The following PCDH9 variants were observed in gnomAD, a reference collection of about 807,000 sequenced individuals.
PCDH9 encodes the protein protocadherin-9.
In PCDH9, 24 loss-of-function variants were observed where a neutral mutation model predicts 70.6. The observed-to-expected ratio is 0.34, with a 90% CI of 0.25 to 0.48. PCDH9 has a LOEUF of 0.48. PCDH9 is among the 20% of genes least tolerant of loss of function. The pLI is 0.99. For missense variants in PCDH9, 1,281 were observed against 1,503.6 expected (o/e 0.85, Z 2.45); for synonymous variants, 562 against 558.5 (o/e 1.01, Z -0.09).
intron 3 of PCDH9, among the ~76,000 whole-genome samples, chr13:66,683,513 A>T (rs559867754): frequency 6.6e-6 from 1 of 152,134 alleles, no homozygotes; most frequent in Admixed American, 6.6e-5. Flanking sequence ...TGCATTCACA[A>T]CCCATATCTT....
At chr13:66,361,761 T>A (rs551056014) in intron 4 of PCDH9, among the ~76,000 whole-genome samples, 19 of 152,276 alleles carry the variant, frequency 1.2e-4, no homozygotes, top group African/African-American at 4.6e-4. Flanking sequence ...AAGCATTGCA[T>A]TTTTCAAAGC....
At chr13:66,777,482 A>T (rs1251597780) in intron 3 of PCDH9, among the ~76,000 whole-genome samples, 1 of 152,238 alleles carries the variant, frequency 6.6e-6, no homozygotes, top group South Asian at 2.1e-4. Context: ...ACATGAAAAG[A>T]CACTTCTCAA....
intron 4 of PCDH9, among the ~76,000 whole-genome samples, chr13:66,315,187 C>T (rs548586999): frequency 1.1e-3 from 162 of 152,294 alleles, no homozygotes; most frequent in Non-Finnish European, 1.8e-3. Context: ...CAACTGGATT[C>T]TGGCCACAGT....
At chr13:66,488,790 T>A (rs1476178143) in intron 4 of PCDH9, among the ~76,000 whole-genome samples, 1 of 152,182 alleles carries the variant, frequency 6.6e-6, no homozygotes, top group Non-Finnish European at 1.5e-5. Context: ...TAAAAGTTGC[T>A]GGCATAAAAA....
chr13:66,365,936 CTA>C (rs1956547045), intron 4 of PCDH9, among the ~76,000 whole-genome samples: 1 of 151,992 alleles, frequency 6.6e-6, no homozygotes, highest in East Asian at 1.9e-4. Context: ...ACAAATGTAA[CTA>C]AGAGAAATCA....
intron 2 of PCDH9, among the ~76,000 whole-genome samples, chr13:67,193,659 T>A (rs1359698988): frequency 6.6e-6 from 1 of 152,120 alleles, no homozygotes; most frequent in African/African-American, 2.4e-5. Context: ...TTACCTTGGA[T>A]GTATATTCTT....
intron 4 of PCDH9, among the ~76,000 whole-genome samples, chr13:66,435,721 T>C (rs1249554107): frequency 1.3e-5 from 2 of 152,224 alleles, no homozygotes; most frequent in East Asian, 3.8e-4. Context: ...TTGGCTTTAA[T>C]GGTGAACTAT....
chr13:66,397,332 T>C (rs540936150), intron 4 of PCDH9, among the ~76,000 whole-genome samples: 33 of 152,022 alleles, frequency 2.2e-4, no homozygotes, highest in African/African-American at 7.5e-4. Flanking sequence ...AGTGGGAGGA[T>C]TGCTTAAGTT....
At chr13:66,457,863 T>TA (rs1463679945) in intron 4 of PCDH9, among the ~76,000 whole-genome samples, 1 of 151,920 alleles carries the variant, frequency 6.6e-6, no homozygotes, top group Non-Finnish European at 1.5e-5. Context: ...GATAGGGGCT[T>TA]AAAATCTAGA....
At chr13:67,200,068 A>G (rs2089171609) in intron 2 of PCDH9, among the ~76,000 whole-genome samples, 2 of 152,130 alleles carry the variant, frequency 1.3e-5, no homozygotes, top group Non-Finnish European at 2.9e-5. Context: ...TGCATTCTAC[A>G]TTTATGATTA....
At chr13:66,398,233 C>T (rs897307077) in intron 4 of PCDH9, among the ~76,000 whole-genome samples, 7 of 152,002 alleles carry the variant, frequency 4.6e-5, no homozygotes, top group Non-Finnish European at 8.8e-5. Context: ...GACTCTGTGT[C>T]CAAATTAAGG....
intron 4 of PCDH9, among the ~76,000 whole-genome samples, chr13:66,394,615 A>G (rs1473309135): frequency 1.3e-5 from 2 of 152,190 alleles, no homozygotes; most frequent in Non-Finnish European, 1.5e-5. Flanking sequence ...AAAAATTTCC[A>G]ACTTCCATCT....
At chr13:66,492,985 G>C (rs1959056407) in intron 4 of PCDH9, among the ~76,000 whole-genome samples, 1 of 152,066 alleles carries the variant, frequency 6.6e-6, no homozygotes, top group South Asian at 2.1e-4. Flanking sequence ...AAAATATCCT[G>C]AGTGAGTTCT....
chr13:66,875,130 C>A (rs2081780158), intron 3 of PCDH9, among the ~76,000 whole-genome samples: 1 of 152,136 alleles, frequency 6.6e-6, no homozygotes, highest in African/African-American at 2.4e-5. Flanking sequence ...ATCAACATCT[C>A]CCCTAAAGGA....
chr13:67,121,190 T>A (rs1198287914), intron 2 of PCDH9, among the ~76,000 whole-genome samples: 2 of 152,174 alleles, frequency 1.3e-5, no homozygotes, highest in Admixed American at 6.5e-5. Flanking sequence ...CTTTAAAAAA[T>A]TTTTGGAATT....
Position 66,519,120 on chromosome 13 carries a change from A to C in PCDH9, c.3340+112090T>G, listed in dbSNP as rs567385764. Among the ~76,000 whole-genome samples the C allele has an allele frequency of 2.0e-5, 3 of 152,280 alleles. No homozygotes were observed. In the East Asian group the frequency reaches 5.8e-4, roughly 29 times the overall value. ...CTTTGGAAAGTTAACTGAACACATG[A>C]GCTGTATAAAGTTGGGCTGGTTATC... On this transcript the variant is annotated intron_variant, in intron 4 of 4. Transcript: ENST00000377865.
chr13:66,342,573 C>T (rs1056937957), intron 4 of PCDH9, among the ~76,000 whole-genome samples: 1 of 152,016 alleles, frequency 6.6e-6, no homozygotes, highest in African/African-American at 2.4e-5. Flanking sequence ...CTACATGATA[C>T]ATTCAGGATG....
intron 2 of PCDH9, among the ~76,000 whole-genome samples, chr13:67,093,411 GC>G (rs983742982): frequency 1.1e-4 from 16 of 152,076 alleles, no homozygotes; most frequent in African/African-American, 3.9e-4. Context: ...CTAAGATTGC[GC>G]CACTGCACTC....
chr13:66,598,145 A>G (rs1450751004), intron 4 of PCDH9, among the ~76,000 whole-genome samples: 2 of 151,782 alleles, frequency 1.3e-5, no homozygotes, highest in Non-Finnish European at 2.9e-5. Flanking sequence ...GGAATGCAAA[A>G]TGGCGTGACC....
Sources: gnomAD v4.1 joint callset for allele counts (sites outside exome capture counted in the v4.1 genomes callset) on GRCh38, gnomAD v4.1.1 for gene constraint, MANE v1.5 for transcripts, NCBI Gene and HGNC (gene_info 2026-07-23, HGNC 2026-07-21) for gene names.